Variants in HS3ST5 observed in about 807,000 individuals in gnomAD.
HS3ST5 encodes heparan sulfate glucosamine 3-O-sulfotransferase 5.
Under a neutral mutation model 25.4 loss-of-function variants are expected in HS3ST5, and 10 were observed. The observed-to-expected ratio is 0.39, with a 90% CI of 0.24 to 0.67. The LOEUF (loss-of-function observed/expected upper bound fraction) is 0.67. HS3ST5 is among the 30% of genes least tolerant of loss of function. The pLI, the probability that HS3ST5 is intolerant of heterozygous loss-of-function variation, is 0.44. For synonymous variants in HS3ST5, 170 were observed against 162.4 expected (o/e 1.05, Z -0.36); for missense variants, 324 against 420.7 (o/e 0.77, Z 2.01).
chr6:114,231,621 T>TC (rs1771594046), intron 1 of HS3ST5, among the ~76,000 whole-genome samples: 1 of 152,132 alleles, frequency 6.6e-6, no homozygotes, highest in Admixed American at 6.5e-5. Flanking sequence ...GGTGGATTTA[T>TC]CCCCACTCCA....
chr6:114,276,872 C>T (rs897114311), intron 1 of HS3ST5, among the ~76,000 whole-genome samples: 2 of 151,874 alleles, frequency 1.3e-5, no homozygotes, highest in African/African-American at 4.8e-5. Flanking sequence ...TTCCTATATC[C>T]TTGTATTTAT....
At chr6:114,222,351 CAA>C (rs1432347130) in intron 2 of HS3ST5, among the ~76,000 whole-genome samples, 3 of 151,838 alleles carry the variant, frequency 2.0e-5, no homozygotes, top group African/African-American at 7.2e-5. Context: ...TGATGTATCT[CAA>C]GTCTTAGAAC....
chr6:114,284,692 A>C (rs912628731), intron 1 of HS3ST5, among the ~76,000 whole-genome samples: 8 of 74,084 alleles, frequency 1.1e-4, no homozygotes, highest in Non-Finnish European at 1.9e-4. Context: ...TAAAATTACA[A>C]CATGAGTTTA....
At chr6:114,125,632 AGGCAC>A (rs1420033747) in intron 3 of HS3ST5, among the ~76,000 whole-genome samples, 4 of 152,192 alleles carry the variant, frequency 2.6e-5, no homozygotes, top group Admixed American at 1.3e-4. Context: ...TTCCTATTTA[AGGCAC>A]TAAGACAACA....
chr6:114,108,594 C>T (rs1776107220), intron 3 of HS3ST5, among the ~76,000 whole-genome samples: 1 of 152,120 alleles, frequency 6.6e-6, no homozygotes, highest in Admixed American at 6.5e-5. Flanking sequence ...CAAAGCTCAA[C>T]ATGCTGACAG....
rs1773203857 is a variant in HS3ST5 at position 114,062,738 on chromosome 6, C to A, written c.107+1G>T. 1 of 1,606,176 alleles carries A rather than the reference C, an allele frequency of 6.2e-7. No individual in the cohort carries two copies. The highest frequency in any genetic ancestry group is 1.3e-5 in the African/African-American group (1 of 74,760). The stretch of plus-strand genomic sequence containing the variant: ...TATAAGCATGTGTTTTAAGCACCCA[C>A]CTATCCAAGCTCCCAACTCTGGCGA... On this transcript the variant is annotated splice_donor_variant, in intron 4 of 4. Coordinates refer to ENST00000312719, the MANE Select transcript of HS3ST5 (RefSeq NM_153612.4). LOFTEE classifies it high-confidence loss of function.
chr6:114,144,060 G>A (rs529345140), intron 3 of HS3ST5: 3 of 152,286 alleles, frequency 2.0e-5, no homozygotes, highest in South Asian at 4.1e-4. Flanking sequence ...TTTTAAGTGA[G>A]TGGGAAACCA....
intron 1 of HS3ST5, among the ~76,000 whole-genome samples, chr6:114,317,513 T>C (rs2114866305): frequency 6.6e-6 from 1 of 152,298 alleles, no homozygotes; most frequent in East Asian, 1.9e-4. Context: ...TGGAGCCATA[T>C]CTATGGATAT....
At chr6:114,334,798 G>A (rs1354651666) in intron 1 of HS3ST5, among the ~76,000 whole-genome samples, 1 of 152,182 alleles carries the variant, frequency 6.6e-6, no homozygotes, top group Admixed American at 6.5e-5. Context: ...CCATTGTCAA[G>A]TGACAAATTA....
At chr6:114,136,856 C>T (rs938691316) in intron 3 of HS3ST5, among the ~76,000 whole-genome samples, 1 of 152,190 alleles carries the variant, frequency 6.6e-6, no homozygotes, top group Admixed American at 6.5e-5. Flanking sequence ...CTGGGCTCTA[C>T]ATTTTTCTGA....
intron 1 of HS3ST5, among the ~76,000 whole-genome samples, chr6:114,336,100 G>A (rs1008317466): frequency 6.6e-6 from 1 of 152,180 alleles, no homozygotes; most frequent in Non-Finnish European, 1.5e-5. Flanking sequence ...GGAGAACCAT[G>A]TATTCAAATA....
chr6:114,064,996 A>G (rs1217705249), intron 3 of HS3ST5, among the ~76,000 whole-genome samples: 3 of 152,122 alleles, frequency 2.0e-5, no homozygotes, highest in Non-Finnish European at 2.9e-5. Flanking sequence ...AAGGATTAAG[A>G]GCATAAGCAA....
At position 114,057,957 on chromosome 6, in the gene HS3ST5, G is replaced by A. The variant is rs746548752; in HGVS notation, c.341C>T (p.Pro114Leu). 5.6e-6 allele frequency: 9 copies of A among 1,614,012 alleles called. No homozygotes were observed. Among genetic ancestry groups the A allele is most frequent in the Admixed American group, 3.3e-5 (2 of 60,004 alleles). ...TTCTTGAGAGGCTTTGACTACTGCC[G>A]GATGTAGGTTCAGCATTTCAAGCAG... ...RALLEMLNLH[P>L]AVVKASQEIH... Residue 114 changes from proline to leucine, a missense_variant, in exon 5 of 5, where the codon CCG (proline) becomes CTG (leucine). Pro to Leu is a moderately conservative substitution (Grantham distance 98). This residue lies in a region of HS3ST5 where 203 missense variants were observed against 303.4 expected (regional missense o/e 0.67). Transcript: ENST00000312719.
intron 3 of HS3ST5, among the ~76,000 whole-genome samples, chr6:114,106,590 A>G (rs1776005019): frequency 6.6e-6 from 1 of 152,108 alleles, no homozygotes; most frequent in Non-Finnish European, 1.5e-5. Flanking sequence ...TGTGGCAACT[A>G]TAGTAAAATG....
intron 3 of HS3ST5, among the ~76,000 whole-genome samples, chr6:114,138,997 C>A (rs1203541524): frequency 6.6e-6 from 1 of 152,098 alleles, no homozygotes; most frequent in Non-Finnish European, 1.5e-5. Flanking sequence ...AATGCCCCAC[C>A]CCCTAATGTC....
chr6:114,209,695 T>C (rs1271494215), intron 2 of HS3ST5, among the ~76,000 whole-genome samples: 2 of 152,100 alleles, frequency 1.3e-5, no homozygotes, highest in Admixed American at 1.3e-4. Context: ...TAGAAATAAA[T>C]AGCCCATATC....
At chr6:114,277,343 G>A (rs1259800669) in intron 1 of HS3ST5, among the ~76,000 whole-genome samples, 1 of 150,304 alleles carries the variant, frequency 6.7e-6, no homozygotes, top group Non-Finnish European at 1.5e-5. Flanking sequence ...ACTAGGAAAA[G>A]GAAAAAATAA....
chr6:114,169,131 GT>G, intron 2 of HS3ST5, among the ~76,000 whole-genome samples: 1 of 152,140 alleles, frequency 6.6e-6, no homozygotes, highest in East Asian at 1.9e-4. Context: ...TCAGGCTGCT[GT>G]TAAGAGTGTA....
intron 1 of HS3ST5, among the ~76,000 whole-genome samples, chr6:114,321,184 CGCCTAATA>C (rs1775956486): frequency 6.6e-6 from 1 of 151,998 alleles, no homozygotes; most frequent in Non-Finnish European, 1.5e-5. Flanking sequence ...GCTCCACTTC[CGCCTAATA>C]GCATTGTAGA....
Sources: gnomAD v4.1 joint callset for allele counts (sites outside exome capture counted in the v4.1 genomes callset) on GRCh38, gnomAD v4.1.1 for gene constraint, gnomAD v4.1.1 regional missense constraint, MANE v1.5 for transcripts, NCBI Gene and HGNC (gene_info 2026-07-23, HGNC 2026-07-21) for gene names.